The following MYO1D variants were observed in gnomAD, a reference collection of about 807,000 sequenced individuals.
The protein encoded by MYO1D is unconventional myosin-Id.
Under a neutral mutation model 122.0 loss-of-function variants are expected in MYO1D, and 83 were observed. The observed-to-expected ratio is 0.68, with a 90% CI of 0.57 to 0.82. The LOEUF (loss-of-function observed/expected upper bound fraction) is 0.82. Among genes scored for constraint, MYO1D ranks in the 40% least tolerant of loss-of-function variants. MYO1D has a pLI of 0.00. For synonymous variants in MYO1D, 464 were observed against 446.9 expected (o/e 1.04, Z -0.48); for missense variants, 1,157 against 1,269.5 (o/e 0.91, Z 1.35).
At position 32,816,691 on chromosome 17, in the gene MYO1D, CTTCA is replaced by C. The variant is rs575769724; in HGVS notation, c.96-35911_96-35908del. On this transcript the variant is annotated intron_variant, in intron 1 of 21. Transcript: ENST00000318217. ...TTTACAATTAGTAAATCCTGAGTTA[CTTCA>C]TTGTTTTTATATTAAGTGGTCTAAA... Among the ~76,000 whole-genome samples, 420 of 152,238 alleles carry C rather than the reference CTTCA, an allele frequency of 2.8e-3. 4 individuals carry two copies. Among genetic ancestry groups the C allele is most frequent in the African/African-American group, 8.7e-3 (363 of 41,536 alleles).
chr17:32,873,782 C>CA (rs1182744273), intron 1 of MYO1D, among the ~76,000 whole-genome samples: 1 of 152,160 alleles, frequency 6.6e-6, no homozygotes, highest in African/African-American at 2.4e-5. Flanking sequence ...AGCCAGTTCT[C>CA]AGAGTCATCA....
chr17:32,682,436 G>C (rs894963912), intron 16 of MYO1D, among the ~76,000 whole-genome samples: 1 of 147,714 alleles, frequency 6.8e-6, no homozygotes, highest in African/African-American at 2.5e-5. Flanking sequence ...AGCTCTTTTA[G>C]GGCAGGCCTG....
chr17:32,729,140 G>C (rs1268112827), intron 14 of MYO1D, among the ~76,000 whole-genome samples: 3 of 151,850 alleles, frequency 2.0e-5, no homozygotes, highest in African/African-American at 7.3e-5. Context: ...TTATTCTCTT[G>C]AACTTTTTCA....
Position 32,776,014 on chromosome 17 carries a change from C to G in MYO1D, c.414G>C (p.Leu138Phe), listed in dbSNP as rs759295956. 3 of 1,613,610 alleles carry G rather than the reference C, an allele frequency of 1.9e-6. No individual in the cohort carries two copies. Among genetic ancestry groups the G allele is most frequent in the Non-Finnish European group, 2.5e-6 (3 of 1,179,830 alleles). ...RAEVERVKNM[L>F]LKSNCVLEAF... ...CTTCCAAAACACAGTTGGACTTAAG[C>G]AACATATTCTTCACTCTTTAACACA... Residue 138 changes from leucine to phenylalanine, a missense_variant, in exon 4 of 22, where the codon TTG becomes TTC. Transcript: ENST00000318217.
At chr17:32,862,012 T>C (rs1249574466) in intron 1 of MYO1D, among the ~76,000 whole-genome samples, 1 of 152,156 alleles carries the variant, frequency 6.6e-6, no homozygotes, top group African/African-American at 2.4e-5. Flanking sequence ...AGCCAGACCT[T>C]GTCTCAATAA....
chr17:32,579,433 T>C (rs560383390), intron 21 of MYO1D, among the ~76,000 whole-genome samples: 3 of 152,336 alleles, frequency 2.0e-5, no homozygotes, highest in South Asian at 2.1e-4. Flanking sequence ...ACACAATTCA[T>C]GGCCCTGTCT....
Position 32,712,012 on chromosome 17 carries a change from T to C in MYO1D, c.2097A>G (p.Ile699Met), listed in dbSNP as rs764234837. The C allele has an allele frequency of 6.2e-7, 1 of 1,614,080 alleles. No homozygotes were observed. Among genetic ancestry groups the C allele is most frequent in the East Asian group, 2.2e-5 (1 of 44,874 alleles). ...CCTTTTGTAGAAAGAGGACAATCCT[T>C]ATGAGCATCTGGGCACGGAGTTCTT... ...TLEELRAQML[I>M]RIVLFLQKVW... Residue 699 changes from isoleucine (I) to methionine (M), a missense_variant, in exon 16 of 22, where the codon ATA becomes ATG. Transcript: ENST00000318217.
chr17:32,859,758 CT>C (rs2091054567), intron 1 of MYO1D, among the ~76,000 whole-genome samples: 1 of 152,186 alleles, frequency 6.6e-6, no homozygotes, highest in African/African-American at 2.4e-5. Flanking sequence ...GCATTCTTTT[CT>C]GAATAAATCC....
chr17:32,655,387 A>T (rs2088461764), intron 17 of MYO1D, among the ~76,000 whole-genome samples: 1 of 152,188 alleles, frequency 6.6e-6, no homozygotes, highest in African/African-American at 2.4e-5. Flanking sequence ...TATAGTATGT[A>T]GGATGGTGAA....
intron 8 of MYO1D, among the ~76,000 whole-genome samples, chr17:32,763,372 C>T (rs559915420): frequency 7.2e-5 from 11 of 152,122 alleles, no homozygotes; most frequent in East Asian, 3.9e-4. Flanking sequence ...GAAAGTTAGA[C>T]GTGAGAAAAT....
At chr17:32,504,651 A>G (rs1909433768) in intron 21 of MYO1D, 1 of 152,146 alleles carries the variant, frequency 6.6e-6, no homozygotes, top group Non-Finnish European at 1.5e-5. Flanking sequence ...TTTATACATT[A>G]TTTCACAGTG....
At chr17:32,780,091 C>T (rs895376269) in intron 2 of MYO1D, among the ~76,000 whole-genome samples, 3 of 151,968 alleles carry the variant, frequency 2.0e-5, no homozygotes, top group South Asian at 2.1e-4. Context: ...GTGCCTATCT[C>T]CCCCCTTGTT....
At chr17:32,873,707 G>A (rs934370915) in intron 1 of MYO1D, among the ~76,000 whole-genome samples, 4 of 152,142 alleles carry the variant, frequency 2.6e-5, no homozygotes, top group Admixed American at 2.0e-4. Context: ...ATGGCTACAG[G>A]GAACCAACTA....
chr17:32,810,926 A>G (rs1239131480), intron 1 of MYO1D, among the ~76,000 whole-genome samples: 1 of 152,072 alleles, frequency 6.6e-6, no homozygotes, highest in Admixed American at 6.5e-5. Context: ...TTAAATTCTG[A>G]ATTAATTTTA....
At chr17:32,549,639 C>T (rs1443663508) in intron 21 of MYO1D, among the ~76,000 whole-genome samples, 1 of 152,166 alleles carries the variant, frequency 6.6e-6, no homozygotes, top group Non-Finnish European at 1.5e-5. Flanking sequence ...GAGGGTTACA[C>T]TCATAAATGG....
At chr17:32,768,548 C>A (rs1228416014) in intron 6 of MYO1D, among the ~76,000 whole-genome samples, 1 of 152,184 alleles carries the variant, frequency 6.6e-6, no homozygotes, top group Non-Finnish European at 1.5e-5. Flanking sequence ...AGAGACCTGG[C>A]CTGATGCTCA....
intron 16 of MYO1D, among the ~76,000 whole-genome samples, chr17:32,662,960 C>T (rs144213957): frequency 3.9e-4 from 58 of 148,952 alleles, no homozygotes; most frequent in Middle Eastern, 3.5e-3. Context: ...CTCTGTCACC[C>T]AGGCGAGAGT....
intron 14 of MYO1D, among the ~76,000 whole-genome samples, chr17:32,728,330 C>T (rs993231977): frequency 3.3e-5 from 5 of 151,944 alleles, no homozygotes; most frequent in Admixed American, 2.0e-4. Context: ...CTCAGCCTCC[C>T]GAACAGCTGG....
At chr17:32,614,828 G>C (rs1352976092) in intron 20 of MYO1D, among the ~76,000 whole-genome samples, 1 of 152,202 alleles carries the variant, frequency 6.6e-6, no homozygotes, top group Non-Finnish European at 1.5e-5. Flanking sequence ...CATGCCGTGA[G>C]GCAGCCAAAC....
Sources: allele counts gnomAD v4.1 joint callset (sites outside exome capture counted in the v4.1 genomes callset), GRCh38; gene constraint gnomAD v4.1.1; transcripts MANE v1.5; gene names NCBI Gene and HGNC (gene_info 2026-07-23, HGNC 2026-07-21).